Variants in NEO1 observed in about 807,000 individuals in gnomAD.
NEO1 encodes the protein neogenin.
Under a neutral mutation model 159.7 loss-of-function variants are expected in NEO1, and 63 were observed. That is an observed-to-expected ratio of 0.39 (90% CI 0.32 to 0.49). NEO1 has a LOEUF of 0.49. Among genes scored for constraint, NEO1 ranks in the 20% least tolerant of loss-of-function variants. The pLI, the probability that NEO1 is intolerant of heterozygous loss-of-function variation, is 0.85. For synonymous variants in NEO1, 633 were observed against 662.0 expected, an observed-to-expected ratio of 0.96 and a Z score of 0.67; for missense variants, 1,615 against 1,831.0, an observed-to-expected ratio of 0.88 and a Z score of 2.15.
At chr15:73,133,947 A>G (rs1053696499) in intron 4 of NEO1, among the ~76,000 whole-genome samples, 3 of 152,184 alleles carry the variant, frequency 2.0e-5, no homozygotes, top group African/African-American at 7.2e-5. Context: ...TTTTAGTGTA[A>G]TTATTAGATA....
chr15:73,223,380 A>G (rs1240846393), intron 7 of NEO1, among the ~76,000 whole-genome samples: 1 of 152,118 alleles, frequency 6.6e-6, no homozygotes, highest in Non-Finnish European at 1.5e-5. Context: ...TCAGTGGAGT[A>G]TTGAAGTCCC....
At chr15:73,210,514 T>A (rs1430742038) in intron 7 of NEO1, among the ~76,000 whole-genome samples, 3 of 152,234 alleles carry the variant, frequency 2.0e-5, no homozygotes, top group African/African-American at 7.2e-5. Context: ...CTTGAAGGCT[T>A]ATCTTGTGAA....
intron 7 of NEO1, 96 bp downstream of exon 7, chr15:73,178,523 A>G: frequency 7.4e-7 from 1 of 1,351,844 alleles, no homozygotes; most frequent in Non-Finnish European, 1.0e-6. Context: ...ACCCATTAGT[A>G]AAGGCCAATA....
chr15:73,274,251 A>G (rs939834519), intron 20 of NEO1, among the ~76,000 whole-genome samples: 1 of 152,224 alleles, frequency 6.6e-6, no homozygotes, highest in Non-Finnish European at 1.5e-5. Context: ...TATTTGGGGC[A>G]GATCAATTGC....
At chr15:73,148,769 A>G (rs1012567775) in intron 5 of NEO1, among the ~76,000 whole-genome samples, 3 of 152,058 alleles carry the variant, frequency 2.0e-5, no homozygotes, top group Non-Finnish European at 2.9e-5. Flanking sequence ...CCCAGTCCCT[A>G]TTGTAATGAT....
At chr15:73,301,673 C>CT (rs772513122) in intron 28 of NEO1, 44,336 of 451,998 alleles carry the variant, frequency 0.098, 417 homozygotes, top group African/African-American at 0.14. Flanking sequence ...CATATCCACT[C>CT]TTTTTTTTTT....
chr15:73,120,102 C>T (rs908055290), intron 2 of NEO1, among the ~76,000 whole-genome samples: 1 of 152,034 alleles, frequency 6.6e-6, no homozygotes, highest in East Asian at 1.9e-4. Context: ...TGCCACTGCA[C>T]TCCAGCATGG....
intron 7 of NEO1, among the ~76,000 whole-genome samples, chr15:73,190,537 G>A (rs2036184306): frequency 6.6e-6 from 1 of 152,064 alleles, no homozygotes; most frequent in Non-Finnish European, 1.5e-5. Flanking sequence ...AGTATCTGAG[G>A]TTAGCATTGA....
chr15:73,171,874 T>G (rs943771630), intron 5 of NEO1, among the ~76,000 whole-genome samples: 1 of 151,936 alleles, frequency 6.6e-6, no homozygotes, highest in African/African-American at 2.4e-5. Context: ...ACTCCTGACC[T>G]CAGGTGATCA....
intron 1 of NEO1, among the ~76,000 whole-genome samples, chr15:73,080,143 A>G (rs1205689163): frequency 6.6e-6 from 1 of 152,184 alleles, no homozygotes; most frequent in Non-Finnish European, 1.5e-5. Context: ...GTGGATGAGT[A>G]TGCCTTTCCC....
Position 73,067,300 on chromosome 15 carries a change from G to C in NEO1, c.130+14495G>C, listed in dbSNP as rs2068268665. Among the ~76,000 whole-genome samples the C allele has an allele frequency of 8.6e-5, 13 of 152,046 alleles. 1 individual carries two copies. The highest frequency in any genetic ancestry group is 7.9e-4 in the Admixed American group (12 of 15,266). On this transcript the variant is annotated intron_variant, in intron 1 of 28. Transcript: ENST00000261908. ...TTCTAAAATTTGTTTCTCTCTCTCTGTAAATTTTCCGGGGAAATTTTTGCT... is the reference window on the plus strand; with the variant it reads ...TTCTAAAATTTGTTTCTCTCTCTCTCTAAATTTTCCGGGGAAATTTTTGCT...
intron 1 of NEO1, among the ~76,000 whole-genome samples, chr15:73,055,956 A>T (rs1225180533): frequency 1.3e-5 from 2 of 152,152 alleles, no homozygotes. Flanking sequence ...ACCTGGACTA[A>T]CAGTAGTGGC....
intron 5 of NEO1, among the ~76,000 whole-genome samples, chr15:73,142,747 G>A (rs1049575408): frequency 6.6e-6 from 1 of 152,182 alleles, no homozygotes; most frequent in African/African-American, 2.4e-5. Context: ...GCCCTCAAGA[G>A]TGCGTCAGAT....
chr15:73,297,306 C>G (rs781362596), intron 26 of NEO1, among the ~76,000 whole-genome samples: 2 of 152,230 alleles, frequency 1.3e-5, no homozygotes, highest in Non-Finnish European at 2.9e-5. Context: ...TGCTTAACCT[C>G]CCAGTGCCTT....
At chr15:73,077,174 G>T (rs1208276449) in intron 1 of NEO1, among the ~76,000 whole-genome samples, 1 of 152,130 alleles carries the variant, frequency 6.6e-6, no homozygotes, top group South Asian at 2.1e-4. Context: ...CTCCCGAGTA[G>T]CTGGGATTAC....
chr15:73,222,178 C>T (rs2038329254), intron 7 of NEO1: 1 of 130,168 alleles, frequency 7.7e-6, no homozygotes, highest in Non-Finnish European at 1.5e-5. Context: ...AATCTTGGCT[C>T]ACTGCAAGCT....
intron 1 of NEO1, among the ~76,000 whole-genome samples, chr15:73,078,276 TCCCTGCAGGAGAA>T (rs1192198534): frequency 6.6e-6 from 1 of 152,110 alleles, no homozygotes; most frequent in Non-Finnish European, 1.5e-5. Flanking sequence ...AGCTAGAGAA[TCCCTGCAGGAGAA>T]GCAGGGAGAA....
At chr15:73,197,494 C>T (rs2036592147) in intron 7 of NEO1, among the ~76,000 whole-genome samples, 1 of 152,088 alleles carries the variant, frequency 6.6e-6, no homozygotes, top group African/African-American at 2.4e-5. Flanking sequence ...TGGTCAATTA[C>T]TCCATTTCAT....
intron 2 of NEO1, among the ~76,000 whole-genome samples, chr15:73,118,752 G>A (rs537736124): frequency 3.9e-5 from 6 of 152,160 alleles, no homozygotes; most frequent in African/African-American, 1.4e-4. Flanking sequence ...CTTGGCCCTA[G>A]GTATCAGGAG....
Sources: gnomAD v4.1 joint callset for allele counts (sites outside exome capture counted in the v4.1 genomes callset) on GRCh38, gnomAD v4.1.1 for gene constraint, MANE v1.5 for transcripts, NCBI Gene and HGNC (gene_info 2026-07-23, HGNC 2026-07-21) for gene names.